Variants in NEK1 observed in about 807,000 individuals in gnomAD.
The protein encoded by NEK1 is NIMA related kinase 1.
In NEK1, 137 loss-of-function variants were observed where a neutral mutation model predicts 182.1. That is an observed-to-expected ratio of 0.75 (90% CI 0.65 to 0.87). NEK1 has a LOEUF of 0.87. NEK1 is among the 40% of genes least tolerant of loss of function. NEK1 has a pLI of 0.00. For missense variants in NEK1, 1,391 were observed against 1,494.4 expected, an observed-to-expected ratio of 0.93 and a Z score of 1.14; for synonymous variants, 513 against 492.2, an observed-to-expected ratio of 1.04 and a Z score of -0.56.
intron 23 of NEK1, among the ~76,000 whole-genome samples, chr4:169,491,160 AAAAG>A (rs1212522121): frequency 6.4e-5 from 8 of 125,834 alleles, no homozygotes; most frequent in East Asian, 2.0e-4. Flanking sequence ...AAAAAAAAAA[AAAAG>A]AGAGATGGAG....
intron 19 of NEK1, among the ~76,000 whole-genome samples, chr4:169,525,466 A>G (rs1050425137): frequency 2.6e-5 from 4 of 152,214 alleles, no homozygotes; most frequent in African/African-American, 9.7e-5. Flanking sequence ...AATATTTTTA[A>G]AGAAGATCTG....
At chr4:169,521,763 C>T (rs1157091583) in intron 19 of NEK1, among the ~76,000 whole-genome samples, 1 of 152,142 alleles carries the variant, frequency 6.6e-6, no homozygotes, top group Non-Finnish European at 1.5e-5. Context: ...CCACTTCCTT[C>T]TAAACTCCAT....
At chr4:169,401,966 G>A in intron 32 of NEK1, 106 bp from the exon 33 acceptor site, 4 of 848,612 alleles carry the variant, frequency 4.7e-6, no homozygotes, top group Non-Finnish European at 6.9e-6. Context: ...TCAATACGTA[G>A]GCACTTCTTA....
intron 23 of NEK1, among the ~76,000 whole-genome samples, chr4:169,500,439 C>T (rs564711834): frequency 2.3e-4 from 35 of 152,310 alleles, no homozygotes; most frequent in Admixed American, 1.3e-3. Context: ...CCCAGTGAGA[C>T]GAACCCAGTA....
chr4:169,524,004 T>G (rs1229428508), intron 19 of NEK1, among the ~76,000 whole-genome samples: 1 of 152,212 alleles, frequency 6.6e-6, no homozygotes, highest in South Asian at 2.1e-4. Flanking sequence ...GTTTCATCAT[T>G]TTTGTAAAAT....
chr4:169,482,485 T>C (rs879746124), intron 23 of NEK1, among the ~76,000 whole-genome samples: 8 of 151,784 alleles, frequency 5.3e-5, no homozygotes, highest in Admixed American at 1.3e-4. Context: ...TTCTTTCTTT[T>C]TTTTTTTTTA....
chr4:169,437,543 C>T (rs929898304), intron 28 of NEK1, among the ~76,000 whole-genome samples: 2 of 152,130 alleles, frequency 1.3e-5, no homozygotes, highest in South Asian at 4.2e-4. Context: ...TAGAATACGG[C>T]AGAAGTGATA....
rs577456154 is a variant in NEK1 at position 169,588,988 on chromosome 4, T to G, written c.465-253A>C. Among the ~76,000 whole-genome samples, 5 of 152,292 alleles carry G rather than the reference T, an allele frequency of 3.3e-5. No individual in the cohort carries two copies. In the East Asian group the frequency reaches 9.6e-4, roughly 29 times the overall value. Reference sequence around the variant, plus strand: ...TCTACAGTAGCATACAGAAATGTGCTAGGTCTTCACATTCACTCACCACTC... The same window carrying G: ...TCTACAGTAGCATACAGAAATGTGCGAGGTCTTCACATTCACTCACCACTC... On this transcript the variant is annotated intron_variant, in intron 7 of 35. Coordinates refer to ENST00000507142, the MANE Select transcript of NEK1 (RefSeq NM_001199397.3).
At chr4:169,537,299 A>G (rs1758666458) in intron 19 of NEK1, among the ~76,000 whole-genome samples, 1 of 152,242 alleles carries the variant, frequency 6.6e-6, no homozygotes, top group African/African-American at 2.4e-5. Flanking sequence ...TCTTGGATAC[A>G]TAACTTAATT....
chr4:169,480,749 T>C (rs1747842609), intron 23 of NEK1, among the ~76,000 whole-genome samples: 1 of 152,188 alleles, frequency 6.6e-6, no homozygotes, highest in African/African-American at 2.4e-5. Context: ...TTTAAAATTC[T>C]TTATTATTTA....
At chr4:169,602,291 G>T (rs1238723506) in intron 3 of NEK1, among the ~76,000 whole-genome samples, 187 bp from the exon 4 acceptor site, 6 of 152,074 alleles carry the variant, frequency 3.9e-5, no homozygotes, top group Admixed American at 3.9e-4. Context: ...AACTAGATTA[G>T]GTTACAGAAC....
intron 2 of NEK1, among the ~76,000 whole-genome samples, chr4:169,609,060 CAAAAA>C (rs540854284): frequency 1.2e-5 from 1 of 82,558 alleles, no homozygotes; most frequent in African/African-American, 3.6e-5. Context: ...GACTCCTTCT[CAAAAA>C]AAAAAAAAAA....
At chr4:169,424,877 A>G (rs1295586854) in intron 30 of NEK1, 77 bp from the exon 31 acceptor site, 7 of 1,400,406 alleles carry the variant, frequency 5.0e-6, no homozygotes, top group East Asian at 4.7e-5. Flanking sequence ...AAGGCACAGT[A>G]TGTAACACAA....
intron 19 of NEK1, among the ~76,000 whole-genome samples, chr4:169,537,406 A>T (rs1004889224): frequency 5.3e-5 from 8 of 152,142 alleles, no homozygotes; most frequent in Non-Finnish European, 8.8e-5. Context: ...CCAAATACTT[A>T]TTTCCCATTT....
At chr4:169,532,294 G>A (rs1271577625) in intron 19 of NEK1, among the ~76,000 whole-genome samples, 1 of 152,144 alleles carries the variant, frequency 6.6e-6, no homozygotes, top group Non-Finnish European at 1.5e-5. Context: ...GGTAGCCTGG[G>A]TTACTATGTT....
chr4:169,481,748 G>C (rs1748065486), intron 23 of NEK1, among the ~76,000 whole-genome samples: 1 of 152,168 alleles, frequency 6.6e-6, no homozygotes, highest in African/African-American at 2.4e-5. Context: ...GGTCCTAGGA[G>C]TTTCAGAATG....
chr4:169,503,300 C>A (rs1752706181), intron 23 of NEK1, among the ~76,000 whole-genome samples: 1 of 152,052 alleles, frequency 6.6e-6, no homozygotes, highest in African/African-American at 2.4e-5. Context: ...TCCATACTGC[C>A]TGAAGTAATC....
At position 169,502,169 on chromosome 4, in the gene NEK1, A is replaced by G. The variant is rs756721847; in HGVS notation, c.2007+4868T>C. Reference sequence around the variant, plus strand: ...ATGAACAAATTCTTGGAAACACACAATCTCCCAAGATTGAACTAGGAAGAA... The same window carrying G: ...ATGAACAAATTCTTGGAAACACACAGTCTCCCAAGATTGAACTAGGAAGAA... On this transcript the variant is annotated intron_variant, in intron 23 of 35. Transcript: ENST00000507142. Among the ~76,000 whole-genome samples the G allele has an allele frequency of 9.7e-4, 148 of 151,950 alleles. 1 individual carries two copies. The highest frequency in any genetic ancestry group is 1.9e-3 in the Non-Finnish European group (132 of 67,906).
intron 5 of NEK1, 131 bp from the exon 6 acceptor site, chr4:169,590,940 C>A: frequency 3.2e-6 from 2 of 633,792 alleles, no homozygotes; most frequent in Non-Finnish European, 5.4e-6. Flanking sequence ...TTTGTAGGCA[C>A]TGACATTAAA....
Sources: allele counts gnomAD v4.1 joint callset (sites outside exome capture counted in the v4.1 genomes callset), GRCh38; gene constraint gnomAD v4.1.1; transcripts MANE v1.5; gene names NCBI Gene and HGNC (gene_info 2026-07-23, HGNC 2026-07-21).